CERS6: variants seen among roughly 807,000 people sequenced by gnomAD.
CERS6 encodes ceramide synthase 6.
Under a neutral mutation model 56.8 loss-of-function variants are expected in CERS6, and 26 were observed. That is an observed-to-expected ratio of 0.46 (90% CI 0.34 to 0.63). CERS6 has a LOEUF of 0.63. Ranked by LOEUF, CERS6 falls within the 30% of genes least tolerant of loss-of-function variation. The probability of loss-of-function intolerance (pLI) is 0.01; values close to 1 mark genes in which losing one functional copy is unlikely to be tolerated. For synonymous variants in CERS6, 164 were observed against 173.3 expected, an observed-to-expected ratio of 0.95 and a Z score of 0.42; for missense variants, 415 against 467.5, an observed-to-expected ratio of 0.89 and a Z score of 1.04.
chr2:168,752,905 T>G (rs1684317108), intron 8 of CERS6, among the ~76,000 whole-genome samples: 1 of 152,202 alleles, frequency 6.6e-6, no homozygotes, highest in African/African-American at 2.4e-5. Context: ...TTTCCTTTGG[T>G]TTTGCTCGTT....
intron 6 of CERS6, among the ~76,000 whole-genome samples, chr2:168,697,081 A>T (rs1218738292): frequency 6.6e-6 from 1 of 152,174 alleles, no homozygotes; most frequent in Non-Finnish European, 1.5e-5. Flanking sequence ...TGGGCCTACT[A>T]CTACCCAAGT....
intron 3 of CERS6, among the ~76,000 whole-genome samples, chr2:168,569,969 C>T (rs1695954857): frequency 6.6e-6 from 1 of 152,100 alleles, no homozygotes; most frequent in Non-Finnish European, 1.5e-5. Context: ...TTGTCGGTTT[C>T]TGTTGTTACT....
chr2:168,681,222 C>A (rs758972654), intron 4 of CERS6, among the ~76,000 whole-genome samples: 2 of 152,198 alleles, frequency 1.3e-5, no homozygotes, highest in Non-Finnish European at 2.9e-5. Context: ...AATTATCACT[C>A]TACTGAGTGC....
intron 4 of CERS6, among the ~76,000 whole-genome samples, chr2:168,680,054 C>T (rs964640012): frequency 6.6e-6 from 1 of 152,148 alleles, no homozygotes; most frequent in Admixed American, 6.6e-5. Context: ...GTCTGGAGTT[C>T]TGTGGAGAGA....
chr2:168,677,895 A>G (rs761309089), intron 4 of CERS6, among the ~76,000 whole-genome samples: 7 of 152,232 alleles, frequency 4.6e-5, no homozygotes, highest in Non-Finnish European at 1.0e-4. Flanking sequence ...ATATAAACAG[A>G]CACTTTTCAA....
At chr2:168,598,703 C>T (rs1054402123) in intron 3 of CERS6, among the ~76,000 whole-genome samples, 1 of 152,170 alleles carries the variant, frequency 6.6e-6, no homozygotes, top group African/African-American at 2.4e-5. Flanking sequence ...ACAAGATTGT[C>T]TTCAATCTTC....
At chr2:168,572,564 A>G (rs149793627) in intron 3 of CERS6, among the ~76,000 whole-genome samples, 18 of 151,666 alleles carry the variant, frequency 1.2e-4, no homozygotes, top group African/African-American at 4.1e-4. Flanking sequence ...TATAATAGAA[A>G]ATAATGTATT....
intron 8 of CERS6, among the ~76,000 whole-genome samples, chr2:168,729,458 C>G (rs1683455684): frequency 6.6e-6 from 1 of 152,240 alleles, no homozygotes. Flanking sequence ...GTCTCTCCTG[C>G]CAACTTTCCA....
chr2:168,765,531 G>T (rs1684706916), intron 8 of CERS6, 61 bp from the exon 9 acceptor site: 8 of 1,564,844 alleles, frequency 5.1e-6, no homozygotes, highest in South Asian at 1.2e-5. Context: ...GCAGTGACTA[G>T]AGTTCCTTGG....
At chr2:168,632,935 G>C (rs996723590) in intron 4 of CERS6, among the ~76,000 whole-genome samples, 1 of 152,126 alleles carries the variant, frequency 6.6e-6, no homozygotes, top group South Asian at 2.1e-4. Context: ...CGGCAATGCG[G>C]TTATCTGTCA....
intron 1 of CERS6, among the ~76,000 whole-genome samples, chr2:168,482,952 G>A (rs1036000927): frequency 6.6e-6 from 1 of 152,226 alleles, no homozygotes; most frequent in African/African-American, 2.4e-5. Flanking sequence ...AAAAGATAAT[G>A]AGTTCATGTC....
At chr2:168,759,137 G>T (rs552935156) in intron 8 of CERS6, among the ~76,000 whole-genome samples, 1 of 152,260 alleles carries the variant, frequency 6.6e-6, no homozygotes, top group African/African-American at 2.4e-5. Flanking sequence ...AAGATATTGG[G>T]GTGGTCACAG....
At chr2:168,664,997 G>A (rs1019860366) in intron 4 of CERS6, among the ~76,000 whole-genome samples, 1 of 152,118 alleles carries the variant, frequency 6.6e-6, no homozygotes, top group Non-Finnish European at 1.5e-5. Context: ...ACTGTCTCCA[G>A]GCTTTTTACA....
At chr2:168,704,443 C>T (rs1686882188) in intron 6 of CERS6, among the ~76,000 whole-genome samples, 2 of 152,086 alleles carry the variant, frequency 1.3e-5, no homozygotes, top group African/African-American at 4.8e-5. Context: ...CTTGGGAAAA[C>T]ACCCACTTTG....
intron 4 of CERS6, among the ~76,000 whole-genome samples, chr2:168,663,678 A>G (rs1685687715): frequency 6.6e-6 from 1 of 152,158 alleles, no homozygotes; most frequent in Admixed American, 6.5e-5. Context: ...CACTTATTAT[A>G]TGGTATTTGA....
intron 4 of CERS6, among the ~76,000 whole-genome samples, chr2:168,639,771 G>T (rs138430093): frequency 3.3e-5 from 5 of 152,254 alleles, no homozygotes; most frequent in African/African-American, 1.2e-4. Context: ...AGCTCTGTGT[G>T]TGGTTCCAGG....
At chr2:168,634,127 A>G (rs1265669777) in intron 4 of CERS6, among the ~76,000 whole-genome samples, 1 of 152,216 alleles carries the variant, frequency 6.6e-6, no homozygotes, top group Non-Finnish European at 1.5e-5. Context: ...AACCTTACAG[A>G]CATGTTAGTG....
intron 4 of CERS6, among the ~76,000 whole-genome samples, chr2:168,643,790 G>T (rs1685102894): frequency 6.6e-6 from 1 of 152,210 alleles, no homozygotes; most frequent in South Asian, 2.1e-4. Flanking sequence ...CTCTTTTGTA[G>T]TCAAACCTCC....
At chr2:168,738,379 T>G (rs1559074239) in intron 8 of CERS6, among the ~76,000 whole-genome samples, 1 of 152,226 alleles carries the variant, frequency 6.6e-6, no homozygotes, top group Non-Finnish European at 1.5e-5. Flanking sequence ...TAATGGCAAC[T>G]TACCAGGAAC....
Sources: gnomAD v4.1 joint callset for allele counts (sites outside exome capture counted in the v4.1 genomes callset) on GRCh38, gnomAD v4.1.1 for gene constraint, MANE v1.5 for transcripts, NCBI Gene and HGNC (gene_info 2026-07-23, HGNC 2026-07-21) for gene names.